Variants in SCFD2 observed in about 807,000 individuals in gnomAD.
SCFD2 encodes the protein sec1 family domain containing 2.
A neutral mutation model predicts 58.9 loss-of-function variants in SCFD2; 54 were observed. That is an observed-to-expected ratio of 0.92 (90% CI 0.74 to 1.15). SCFD2 has a LOEUF of 1.15. Among genes scored for constraint, SCFD2 ranks in the 50% most tolerant of loss-of-function variants. SCFD2 has a pLI of 0.00. For missense variants in SCFD2, 805 were observed against 836.6 expected, an observed-to-expected ratio of 0.96 and a Z score of 0.47; for synonymous variants, 321 against 335.9, an observed-to-expected ratio of 0.96 and a Z score of 0.49.
intron 5 of SCFD2, among the ~76,000 whole-genome samples, chr4:52,991,991 C>CTCTCCCTCTCCCCACAG (rs1261613339): frequency 2.6e-5 from 4 of 152,030 alleles, no homozygotes; most frequent in South Asian, 2.1e-4. Context: ...TTGCCTCTCC[C>CTCTCCCTCTCCCCACAG]TCTCCCTCTC....
chr4:52,877,357 G>T (rs908210033), intron 8 of SCFD2, among the ~76,000 whole-genome samples: 1 of 152,128 alleles, frequency 6.6e-6, no homozygotes, highest in African/African-American at 2.4e-5. Flanking sequence ...CAAGCAGTAG[G>T]TTAGGGGGCC....
chr4:52,875,938 A>G (rs552098009), intron 8 of SCFD2, among the ~76,000 whole-genome samples: 5 of 149,940 alleles, frequency 3.3e-5, no homozygotes, highest in Middle Eastern at 3.5e-3. Flanking sequence ...AAAATCATGC[A>G]AGGAGCCTTT....
chr4:53,253,885 A>G (rs1369189843), intron 4 of SCFD2, among the ~76,000 whole-genome samples: 4 of 149,744 alleles, frequency 2.7e-5, no homozygotes, highest in African/African-American at 1.0e-4. Context: ...AACTTAAAGT[A>G]TAATTATAAA....
intron 7 of SCFD2, among the ~76,000 whole-genome samples, chr4:52,896,009 G>T (rs1383714908): frequency 2.0e-5 from 3 of 151,938 alleles, no homozygotes; most frequent in Admixed American, 6.6e-5. Context: ...TGATGGGGTT[G>T]TTTGTTTTTT....
chr4:53,330,857 C>T (rs890332604), intron 2 of SCFD2, among the ~76,000 whole-genome samples: 45 of 152,086 alleles, frequency 3.0e-4, no homozygotes, highest in Admixed American at 5.9e-4. Context: ...ACCCATCTCA[C>T]GTGCAGAGAC....
intron 4 of SCFD2, among the ~76,000 whole-genome samples, chr4:53,157,898 A>T (rs77239549): frequency 6.6e-6 from 1 of 152,166 alleles, no homozygotes; most frequent in Non-Finnish European, 1.5e-5. Context: ...AGATAGAAGG[A>T]AGATTAGCTC....
intron 4 of SCFD2, among the ~76,000 whole-genome samples, chr4:53,172,158 C>A (rs1279716208): frequency 6.6e-6 from 1 of 151,888 alleles, no homozygotes; most frequent in East Asian, 1.9e-4. Flanking sequence ...AGGCACGCAC[C>A]ACCACACCCA....
chr4:53,227,241 A>C (rs996794102), intron 4 of SCFD2, among the ~76,000 whole-genome samples: 2 of 152,186 alleles, frequency 1.3e-5, no homozygotes, highest in Non-Finnish European at 2.9e-5. Flanking sequence ...AAGGTGACAA[A>C]ATTAAGTATA....
rs55830697 is a variant in SCFD2, at chr4:53,211,241, GAA to G, written c.1311+62583_1311+62584del. Among the ~76,000 whole-genome samples the G allele has an allele frequency of 3.5e-3, 501 of 142,002 alleles. 5 individuals carry two copies. The highest frequency in any genetic ancestry group is 5.7e-3 in the Non-Finnish European group (373 of 65,538). The allele number at this position is 142,002 out of a possible 152,430, so 93.2% of individuals were successfully genotyped here. ...CTGATGACAGAGCAAGACTCCATGT[GAA>G]AAAAAAAAAAAAATCCAAGAGAACT... is the stretch of plus-strand genomic sequence containing the variant. On this transcript the variant is annotated intron_variant, in intron 4 of 8. Coordinates refer to ENST00000401642, the MANE Select transcript of SCFD2 (RefSeq NM_152540.4).
intron 4 of SCFD2, among the ~76,000 whole-genome samples, chr4:53,226,695 T>C (rs974792472): frequency 1.3e-5 from 2 of 152,110 alleles, no homozygotes; most frequent in Non-Finnish European, 2.9e-5. Flanking sequence ...TTTAAATTAA[T>C]TGAATTATTT....
intron 5 of SCFD2, among the ~76,000 whole-genome samples, chr4:52,940,025 C>G (rs1355716712): frequency 6.6e-6 from 1 of 152,240 alleles, no homozygotes; most frequent in Non-Finnish European, 1.5e-5. Context: ...TACATTCCCT[C>G]TAGGGCAGCT....
intron 7 of SCFD2, among the ~76,000 whole-genome samples, chr4:52,890,305 T>C (rs527717294): frequency 6.6e-6 from 1 of 152,288 alleles, no homozygotes; most frequent in Non-Finnish European, 1.5e-5. Flanking sequence ...AGAAACAAAC[T>C]GCAACAACAA....
intron 5 of SCFD2, among the ~76,000 whole-genome samples, chr4:52,926,278 A>T (rs1219498298): frequency 6.6e-6 from 1 of 152,012 alleles, no homozygotes; most frequent in African/African-American, 2.4e-5. Flanking sequence ...GTTTGGGTTC[A>T]TTACTTAGGT....
intron 1 of SCFD2, among the ~76,000 whole-genome samples, chr4:53,362,020 T>C (rs1271431948): frequency 6.6e-6 from 1 of 152,048 alleles, no homozygotes; most frequent in African/African-American, 2.4e-5. Context: ...ACAGAGTCCC[T>C]CCCTTCAAGA....
intron 2 of SCFD2, among the ~76,000 whole-genome samples, chr4:53,333,974 T>C (rs1299438594): frequency 4.7e-5 from 7 of 148,988 alleles, no homozygotes; most frequent in Non-Finnish European, 8.9e-5. Context: ...AGAAGACATT[T>C]ATGCAGCCAA....
intron 5 of SCFD2, among the ~76,000 whole-genome samples, chr4:53,136,175 C>T (rs1330267241): frequency 6.6e-6 from 1 of 152,110 alleles, no homozygotes; most frequent in African/African-American, 2.4e-5. Context: ...CTTAGGTTTT[C>T]CCAGGGATCC....
intron 4 of SCFD2, among the ~76,000 whole-genome samples, chr4:53,237,259 A>G (rs2149016440): frequency 6.7e-6 from 1 of 149,398 alleles, no homozygotes; most frequent in East Asian, 2.0e-4. Flanking sequence ...AGACACGGCA[A>G]CCATCCGATT....
intron 5 of SCFD2, among the ~76,000 whole-genome samples, chr4:53,044,516 T>C (rs868141459): frequency 1.4e-4 from 20 of 147,630 alleles, no homozygotes; most frequent in Non-Finnish European, 2.2e-4. Context: ...CTTCCTTCCT[T>C]CCTCCCTCCC....
chr4:53,144,134 T>C (rs1726247788), intron 5 of SCFD2, among the ~76,000 whole-genome samples: 1 of 151,796 alleles, frequency 6.6e-6, no homozygotes, highest in South Asian at 2.1e-4. Flanking sequence ...TAATTCAAAT[T>C]CAAAATAAAA....
Sources: gnomAD v4.1 joint callset for allele counts (sites outside exome capture counted in the v4.1 genomes callset) on GRCh38, gnomAD v4.1.1 for gene constraint, MANE v1.5 for transcripts, NCBI Gene and HGNC (gene_info 2026-07-23, HGNC 2026-07-21) for gene names.